ITPRID1: variants seen among roughly 807,000 people sequenced by gnomAD.
The protein encoded by ITPRID1 is ITPR interacting domain containing 1.
Under a neutral mutation model 95.4 loss-of-function variants are expected in ITPRID1, and 96 were observed. That is an observed-to-expected ratio of 1.01 (90% CI 0.85 to 1.19). The LOEUF is 1.19. ITPRID1 is among the 50% of genes most tolerant of loss of function. The probability of loss-of-function intolerance (pLI) is 0.00; values close to 1 mark genes in which losing one functional copy is unlikely to be tolerated. For missense variants in ITPRID1, 1,339 were observed against 1,252.9 expected, an observed-to-expected ratio of 1.07 and a Z score of -1.04; for synonymous variants, 510 against 453.6, an observed-to-expected ratio of 1.12 and a Z score of -1.58.
At chr7:31,615,089 G>A (rs1562609737) in intron 10 of ITPRID1, among the ~76,000 whole-genome samples, 2 of 152,188 alleles carry the variant, frequency 1.3e-5, no homozygotes, top group African/African-American at 4.8e-5. Flanking sequence ...TCTAGAAAGT[G>A]TATAGAAATT....
chr7:31,516,296 G>A (rs1392940144), intron 1 of ITPRID1, among the ~76,000 whole-genome samples: 1 of 152,148 alleles, frequency 6.6e-6, no homozygotes, highest in Non-Finnish European at 1.5e-5. Flanking sequence ...ATGTATGTGT[G>A]TACTATTGGT....
intron 10 of ITPRID1, among the ~76,000 whole-genome samples, chr7:31,599,664 C>T (rs867490042): frequency 9.4e-6 from 1 of 105,954 alleles, no homozygotes; most frequent in African/African-American, 4.0e-5. Flanking sequence ...TCTTTCCTTT[C>T]TCTCTCTCTC....
At chr7:31,561,649 C>T (rs1304116344) in intron 5 of ITPRID1, among the ~76,000 whole-genome samples, 1 of 152,190 alleles carries the variant, frequency 6.6e-6, no homozygotes, top group African/African-American at 2.4e-5. Context: ...TCTGCTCTGT[C>T]TTCTGGCAAA....
At position 31,540,625 on chromosome 7, in the gene ITPRID1, T is replaced by G. The variant is rs148480070; in HGVS notation, c.-97-8801T>G. 3.3e-4 allele frequency among the ~76,000 whole-genome samples: 50 copies of G among 152,330 alleles called. No homozygotes were observed. The East Asian group carries it at 7.1e-3, about 22-fold the overall frequency. On this transcript the variant is annotated intron_variant, in intron 1 of 14. Coordinates refer to ENST00000615280, the MANE Select transcript of ITPRID1 (RefSeq NM_001257967.3). Reference sequence around the variant, plus strand: ...TTATTTGCATGCAGTGCAGCAAGAATAATTATTTGTTACATAGTCCTTTTA... The same window carrying G: ...TTATTTGCATGCAGTGCAGCAAGAAGAATTATTTGTTACATAGTCCTTTTA...
intron 8 of ITPRID1, among the ~76,000 whole-genome samples, chr7:31,576,775 C>T (rs750476003): frequency 2.0e-5 from 3 of 152,206 alleles, no homozygotes; most frequent in Admixed American, 6.5e-5. Context: ...AGCATCCTTG[C>T]CCACTTATGT....
intron 10 of ITPRID1, among the ~76,000 whole-genome samples, chr7:31,584,055 G>A (rs1019689551): frequency 1.3e-5 from 2 of 152,106 alleles, no homozygotes; most frequent in Non-Finnish European, 2.9e-5. Flanking sequence ...AAATAACAGA[G>A]AAGGAAACAC....
At chr7:31,588,014 T>C (rs1785694655) in intron 10 of ITPRID1, among the ~76,000 whole-genome samples, 1 of 152,204 alleles carries the variant, frequency 6.6e-6, no homozygotes, top group African/African-American at 2.4e-5. Context: ...GTGAGTTGTA[T>C]GAGGACATGG....
At chr7:31,599,214 T>C (rs1351780126) in intron 10 of ITPRID1, among the ~76,000 whole-genome samples, 1 of 152,180 alleles carries the variant, frequency 6.6e-6, no homozygotes, top group Non-Finnish European at 1.5e-5. Flanking sequence ...TACTCATAAA[T>C]AGAATAATAT....
At chr7:31,609,144 A>T (rs1786754503) in intron 10 of ITPRID1, among the ~76,000 whole-genome samples, 1 of 151,702 alleles carries the variant, frequency 6.6e-6, no homozygotes, top group Non-Finnish European at 1.5e-5. Context: ...TTCAGATGTT[A>T]AAATAGCCTT....
At chr7:31,567,334 T>C (rs139723623) in intron 5 of ITPRID1, among the ~76,000 whole-genome samples, 120 of 152,310 alleles carry the variant, frequency 7.9e-4, no homozygotes, top group Non-Finnish European at 1.3e-3. Flanking sequence ...TACCCCATCT[T>C]ACCCTGTTTC....
intron 10 of ITPRID1, among the ~76,000 whole-genome samples, chr7:31,587,760 C>T (rs1399997285): frequency 6.7e-6 from 1 of 150,236 alleles, no homozygotes; most frequent in Non-Finnish European, 1.5e-5. Context: ...CTACAGTAAC[C>T]AAAACAGCAT....
At chr7:31,616,843 T>C (rs1787288841) in intron 10 of ITPRID1, among the ~76,000 whole-genome samples, 1 of 151,492 alleles carries the variant, frequency 6.6e-6, no homozygotes, top group South Asian at 2.1e-4. Flanking sequence ...AATTATCAGA[T>C]ATCCAAACCT....
At chr7:31,520,554 TGTGTGTGTGTGAGAGAGA>T (rs762004196) in intron 1 of ITPRID1, among the ~76,000 whole-genome samples, 1,269 of 88,382 alleles carry the variant, frequency 0.014, 10 homozygotes, top group East Asian at 0.046. Flanking sequence ...TGTGTGTGTG[TGTGTGTGTGTGAGAGAGA>T]GAGAGAGAGT....
intron 12 of ITPRID1, among the ~76,000 whole-genome samples, chr7:31,648,802 C>T (rs1295833194): frequency 6.6e-6 from 1 of 152,196 alleles, no homozygotes; most frequent in Non-Finnish European, 1.5e-5. Context: ...GCAACTTATC[C>T]TTGTGTTCAG....
At position 31,516,589 on chromosome 7, in the gene ITPRID1, C is replaced by G. The variant is rs531037708; in HGVS notation, c.-98+2469C>G. ...GACACAGATAATAGTTGGCAGCACC[C>G]AGATTTGAATGTAAGTCTGTCTTGC... On this transcript the variant is annotated intron_variant, in intron 1 of 14. Transcript: ENST00000615280. Among the ~76,000 whole-genome samples the G allele has an allele frequency of 9.2e-5, 14 of 152,118 alleles. No homozygotes were observed. In the South Asian group the frequency reaches 2.9e-3, roughly 32 times the overall value.
intron 1 of ITPRID1, among the ~76,000 whole-genome samples, chr7:31,519,610 C>CTA (rs1373387362): frequency 2.7e-4 from 14 of 51,338 alleles, no homozygotes; most frequent in African/African-American, 8.1e-4. Flanking sequence ...CTCTCTCTCT[C>CTA]TCTCTCTCTC....
chr7:31,540,973 G>T (rs1472807654), intron 1 of ITPRID1, among the ~76,000 whole-genome samples: 1 of 152,168 alleles, frequency 6.6e-6, no homozygotes, highest in Non-Finnish European at 1.5e-5. Flanking sequence ...AAAATAACCA[G>T]TTTTTCCAGT....
intron 10 of ITPRID1, among the ~76,000 whole-genome samples, chr7:31,588,997 G>A (rs1259981392): frequency 6.6e-6 from 1 of 151,850 alleles, no homozygotes; most frequent in Non-Finnish European, 1.5e-5. Flanking sequence ...AAGAAAAATG[G>A]CAATTAATGA....
chr7:31,586,021 G>T (rs1785587451), intron 10 of ITPRID1, among the ~76,000 whole-genome samples: 1 of 142,136 alleles, frequency 7.0e-6, no homozygotes, highest in Non-Finnish European at 1.5e-5. Flanking sequence ...CCCAGAGTGT[G>T]ATATTCCCCT....
Sources: allele counts gnomAD v4.1 joint callset (sites outside exome capture counted in the v4.1 genomes callset), GRCh38; gene constraint gnomAD v4.1.1; transcripts MANE v1.5; gene names NCBI Gene and HGNC (gene_info 2026-07-23, HGNC 2026-07-21).